The following MCM4 variants were observed in gnomAD, a reference collection of about 807,000 sequenced individuals.
The protein encoded by MCM4 is DNA replication licensing factor MCM4.
In MCM4, 60 loss-of-function variants were observed where a neutral mutation model predicts 88.7. The ratio of observed to expected loss-of-function variants is 0.68; its 90% CI spans 0.55 to 0.84. The LOEUF is 0.84. MCM4 is among the 40% of genes least tolerant of loss of function. MCM4 has a pLI of 0.00. For missense variants in MCM4, 1,149 were observed against 1,105.5 expected (o/e 1.04, Z -0.56); for synonymous variants, 465 against 410.5 (o/e 1.13, Z -1.61).
chr8:47,970,564 A>G lies in MCM4; in HGVS notation c.1488A>G (p.Gly496=). The G allele has an allele frequency of 6.2e-7, 1 of 1,613,668 alleles. No homozygotes were observed. Among genetic ancestry groups the G allele is most frequent in the South Asian group, 1.1e-5 (1 of 91,062 alleles). The change falls in exon 12 of 17, where the codon GGA becomes GGG. Residue 496 remains glycine, a synonymous_variant. Coordinates refer to ENST00000649973, the MANE Select transcript of MCM4 (RefSeq NM_182746.3). ...CAAGGAAGGATTTTAGTCACACTGG[A>G]AGGGGCAAATTTCGGGCTGAGATCA... ...GGTRKDFSHT[G]RGKFRAEINI... is the part of the protein sequence containing the mutation.
intron 7 of MCM4, 90 bp from the exon 8 acceptor site, chr8:47,964,484 G>A: frequency 2.0e-6 from 2 of 992,364 alleles, no homozygotes; most frequent in Non-Finnish European, 2.9e-6. Context: ...ATGACATGTT[G>A]TCTTTTTATA....
Position 47,974,586 on chromosome 8 carries a change from G to A in MCM4, c.2137-148G>A, listed in dbSNP as rs1016940160. ...GCGATTTCTGTGGTCTGTCTGTGTAGTCTCTACCACTTGATGAGCTCCGGG... is the reference window on the plus strand; with the variant it reads ...GCGATTTCTGTGGTCTGTCTGTGTAATCTCTACCACTTGATGAGCTCCGGG... On this transcript the variant is annotated intron_variant, in intron 14 of 16. Transcript: ENST00000649973. The A allele has an allele frequency of 7.4e-6, 5 of 680,128 alleles. No individual in the cohort carries two copies. The Admixed American group carries it at 1.2e-4, about 16-fold the overall frequency. 42.1% of individuals were successfully genotyped at this position (680,128 alleles called of 1,614,324 possible).
At chr8:47,962,244 T>G in intron 4 of MCM4, 28 bp downstream of exon 4, 2 of 1,613,850 alleles carry the variant, frequency 1.2e-6, no homozygotes, top group Non-Finnish European at 1.7e-6. Context: ...TGAAACCATC[T>G]TATGGCGGGT....
chr8:47,962,882 C>T (rs1453868396), intron 6 of MCM4, 23 bp downstream of exon 6: 1 of 1,576,536 alleles, frequency 6.3e-7, no homozygotes, highest in Admixed American at 1.8e-5. Flanking sequence ...TCTTTAAATT[C>T]AAGTTACGTG....
chr8:47,968,570 A>T (rs910312596), intron 10 of MCM4, among the ~76,000 whole-genome samples: 6 of 152,152 alleles, frequency 3.9e-5, no homozygotes, highest in Non-Finnish European at 8.8e-5. Context: ...ATAAGTATCA[A>T]TGCTGCTCTG....
intron 13 of MCM4, among the ~76,000 whole-genome samples, chr8:47,972,283 C>T (rs1001753428): frequency 3.4e-5 from 5 of 147,488 alleles, no homozygotes; most frequent in Admixed American, 6.8e-5. Context: ...ATTATAGTAA[C>T]GTTTCCCTAA....
chr8:47,966,522 T>C, intron 9 of MCM4, 115 bp downstream of exon 9: 1 of 1,058,548 alleles, frequency 9.4e-7, no homozygotes, highest in South Asian at 1.6e-5. Context: ...CATCCATCCC[T>C]CTCTGGTCTT....
chr8:47,961,934 C>T, intron 3 of MCM4, 119 bp from the exon 4 acceptor site: 2 of 1,020,580 alleles, frequency 2.0e-6, no homozygotes, highest in Admixed American at 2.2e-5. Context: ...ATCTCAGCCA[C>T]CGCAGGTTGC....
chr8:47,964,663 A>G lies in MCM4; in HGVS notation c.783A>G (p.Arg261=). The G allele has an allele frequency of 6.2e-7, 1 of 1,604,936 alleles. No homozygotes were observed. The highest frequency in any genetic ancestry group is 8.5e-7 in the Non-Finnish European group (1 of 1,177,298). The change falls in exon 8 of 17, where the codon AGA becomes AGG. Residue 261 remains arginine, a synonymous_variant. Transcript: ENST00000649973. ...DSILEHQIQV[R]PFNALKTKNM... ...TCTTAGAACATCAGATTCAAGTAAG[A>G]CCATTCAACGCATTGAAGACTAAGA...
chr8:47,966,105 C>G (rs1372065017), intron 8 of MCM4, 82 bp from the exon 9 acceptor site: 22 of 1,176,220 alleles, frequency 1.9e-5, no homozygotes, highest in Non-Finnish European at 2.8e-5. Flanking sequence ...TCTTGGGCAC[C>G]TAGCTCCTGT....
chr8:47,966,890 A>G (rs944215603), intron 9 of MCM4, among the ~76,000 whole-genome samples: 1 of 152,244 alleles, frequency 6.6e-6, no homozygotes, highest in Non-Finnish European at 1.5e-5. Flanking sequence ...GACTGTAAAG[A>G]TGTGGGAGGA....
At chr8:47,969,594 G>A (rs1379027144) in intron 10 of MCM4, 4 of 583,698 alleles carry the variant, frequency 6.9e-6, no homozygotes, top group Non-Finnish European at 1.2e-5. Context: ...TTCCCTGCTT[G>A]CTCATAGCAA....
Position 47,964,694 on chromosome 8 carries a change from AG to A in MCM4, c.815del (p.Arg272LysfsTer3). The A allele has an allele frequency of 6.4e-7, 1 of 1,565,430 alleles. No homozygotes were observed. Among genetic ancestry groups the A allele is most frequent in the Non-Finnish European group, 8.6e-7 (1 of 1,160,966 alleles). On this transcript the variant is annotated frameshift_variant, in exon 8 of 17. Transcript: ENST00000649973. LOFTEE classifies it high-confidence loss of function. ...CAACGCATTGAAGACTAAGAATATG[AG>A]AAACCTGAATCCAGAAGGTAATGTA... ...PFNALKTKNM[R>X]NLNPEDIDQL...
chr8:47,964,082 G>A (rs1391128702), intron 7 of MCM4, among the ~76,000 whole-genome samples: 1 of 152,114 alleles, frequency 6.6e-6, no homozygotes, highest in South Asian at 2.1e-4. Flanking sequence ...AATTAGTCAG[G>A]CGTGGTGGCA....
chr8:47,976,838 G>A lies in MCM4; in HGVS notation c.*60G>A. 9.2e-7 allele frequency: 1 copy of A among 1,090,916 alleles called. No individual in the cohort carries two copies. Among genetic ancestry groups the A allele is most frequent in the Non-Finnish European group, 1.4e-6 (1 of 708,526 alleles). 67.6% of individuals were successfully genotyped at this position (1,090,916 alleles called of 1,614,324 possible). A position where few individuals can be genotyped will look rare whatever the true frequency, so the allele number is the denominator to read the frequency against. ...TGCTTGCTGCACGCCACATGGGTGTGGTCTGCATCTCAGTTGGCCGCCATC... is the reference window on the plus strand; with the variant it reads ...TGCTTGCTGCACGCCACATGGGTGTAGTCTGCATCTCAGTTGGCCGCCATC... On this transcript the variant is annotated 3_prime_UTR_variant, in exon 17 of 17. Coordinates refer to ENST00000649973, the MANE Select transcript of MCM4 (RefSeq NM_182746.3).
At position 47,969,879 on chromosome 8, in the gene MCM4, T is replaced by C; in HGVS notation, c.1256T>C (p.Ile419Thr). The C allele has an allele frequency of 6.2e-7, 1 of 1,614,226 alleles. No homozygotes were observed. ...KSVYKTHIDV[I>T]HYRKTDAKRL... is the part of the protein sequence containing the mutation. ...GTCTACAAAACCCACATTGATGTCA[T>C]TCATTATCGGAAAACGGATGCAAAA... Residue 419 changes from isoleucine (I) to threonine (T), a missense_variant, in exon 11 of 17, where the codon ATT becomes ACT. Ile to Thr is a moderately conservative substitution (Grantham distance 89). Around this residue, in one of 3 missense-constraint regions of MCM4, gnomAD observed 906 missense variants for 843.0 expected, o/e 1.07. Transcript: ENST00000649973.
intron 10 of MCM4, among the ~76,000 whole-genome samples, chr8:47,968,401 G>GT (rs1404299716): frequency 6.6e-6 from 1 of 152,186 alleles, no homozygotes; most frequent in Admixed American, 6.5e-5. Context: ...TTTTTAGTGA[G>GT]TGACGTGCGC....
chr8:47,961,787 C>A (rs983213524), intron 3 of MCM4, 107 bp downstream of exon 3: 8 of 1,358,796 alleles, frequency 5.9e-6, no homozygotes, highest in Non-Finnish European at 8.0e-6. Context: ...TAAAGCATCC[C>A]CTCTGCACGT....
Position 47,970,043 on chromosome 8 carries a change from G to A in MCM4, c.1420G>A (p.Glu474Lys), listed in dbSNP as rs767826755. Residue 474 changes from glutamate (E) to lysine (K), a missense_variant, in exon 11 of 17, where the codon GAA (glutamate) becomes AAA (lysine). Glu to Lys is a moderately conservative substitution (Grantham distance 56). Transcript: ENST00000649973. ...CTTGGCTCCAAGCATTTATGAACATGAAGATATAAAGAAGGTAACAGTGGA... is the reference window on the plus strand; with the variant it reads ...CTTGGCTCCAAGCATTTATGAACATAAAGATATAAAGAAGGTAACAGTGGA... Reference protein sequence around the residue: ...SALAPSIYEHEDIKKGILLQL... With the variant: ...SALAPSIYEHKDIKKGILLQL... 3 of 1,613,888 alleles carry A rather than the reference G, an allele frequency of 1.9e-6. No individual in the cohort carries two copies. In the African/African-American group the frequency reaches 4.0e-5, roughly 22 times the overall value.
Sources: allele counts gnomAD v4.1 joint callset (sites outside exome capture counted in the v4.1 genomes callset), GRCh38; gene constraint gnomAD v4.1.1; regional missense constraint gnomAD v4.1.1; transcripts MANE v1.5; gene names NCBI Gene and HGNC (gene_info 2026-07-23, HGNC 2026-07-21).